The following ICAM1 variants were observed in gnomAD, a reference collection of about 807,000 sequenced individuals.
The protein encoded by ICAM1 is intercellular adhesion molecule 1.
Under a neutral mutation model 42.3 loss-of-function variants are expected in ICAM1, and 28 were observed. The observed-to-expected ratio is 0.66, with a 90% CI of 0.49 to 0.91. The LOEUF (loss-of-function observed/expected upper bound fraction) is 0.91. Ranked by LOEUF, ICAM1 falls within the 40% of genes least tolerant of loss-of-function variation. ICAM1 has a pLI of 0.00. For missense variants in ICAM1, 637 were observed against 688.6 expected (o/e 0.93, Z 0.84); for synonymous variants, 304 against 305.9 (o/e 0.99, Z 0.07).
intron 2 of ICAM1, chr19:10,283,021 A>C (rs747736531): frequency 6.6e-6 from 1 of 151,570 alleles, no homozygotes; most frequent in African/African-American, 2.4e-5. Context: ...TAAAAACTTA[A>C]TTAATTAATT....
intron 2 of ICAM1, among the ~76,000 whole-genome samples, chr19:10,277,756 G>T (rs1231994163): frequency 6.6e-6 from 1 of 152,218 alleles, no homozygotes; most frequent in Non-Finnish European, 1.5e-5. Context: ...AAAGTGCTGG[G>T]ATTACAGGCG....
At chr19:10,282,558 A>G (rs5030377) in intron 2 of ICAM1, among the ~76,000 whole-genome samples, 52,647 of 151,318 alleles carry the variant, frequency 0.35, 9,826 homozygotes, top group Admixed American at 0.47. Context: ...ACCTTTTTTT[A>G]ATTTTTCTTA....
intron 1 of ICAM1, among the ~76,000 whole-genome samples, chr19:10,271,705 T>C (rs1192263555): frequency 3.9e-5 from 6 of 152,174 alleles, no homozygotes; most frequent in Non-Finnish European, 8.8e-5. Flanking sequence ...GGAACTTGGC[T>C]CTGTGCCAAC....
intron 1 of ICAM1, among the ~76,000 whole-genome samples, chr19:10,273,740 G>A (rs369643721): frequency 1.4e-4 from 21 of 152,074 alleles, no homozygotes; most frequent in Non-Finnish European, 2.2e-4. Flanking sequence ...GTGGCTGGGC[G>A]TGGTGGTTCA....
intron 2 of ICAM1, among the ~76,000 whole-genome samples, chr19:10,279,104 G>A (rs1287637162): frequency 1.3e-5 from 2 of 152,190 alleles, no homozygotes; most frequent in African/African-American, 4.8e-5. Context: ...AAGGTTAGAG[G>A]TGTAATTCCT....
chr19:10,283,754 A>T lies in ICAM1; in HGVS notation c.605A>T (p.Asn202Ile). Residue 202 changes from asparagine to isoleucine, a missense_variant, in exon 3 of 7, where the codon AAC becomes ATC. Asn to Ile is a moderately radical substitution (Grantham distance 149). Transcript: ENST00000264832. The stretch of plus-strand genomic sequence containing the variant: ...CCCCAAGGGCTGGAGCTGTTTGAGA[A>T]CACCTCGGCCCCCTACCAGCTCCAG... ...LRPQGLELFE[N>I]TSAPYQLQTF... 2 of 1,610,492 alleles carry T rather than the reference A, an allele frequency of 1.2e-6. No homozygotes were observed. Among genetic ancestry groups the T allele is most frequent in the East Asian group, 4.5e-5 (2 of 44,814 alleles).
intron 2 of ICAM1, 69 bp downstream of exon 2, chr19:10,275,097 G>A: frequency 6.8e-7 from 1 of 1,477,282 alleles, no homozygotes; most frequent in Non-Finnish European, 9.2e-7. Context: ...GGCACCTGCA[G>A]AGGCCTGGGG....
At chr19:10,281,689 G>T (rs2040060045) in intron 2 of ICAM1, among the ~76,000 whole-genome samples, 2 of 149,048 alleles carry the variant, frequency 1.3e-5, no homozygotes, top group South Asian at 4.3e-4. Context: ...GCAAGGCTGG[G>T]TATCAAATGC....
chr19:10,281,051 T>C (rs1391181405), intron 2 of ICAM1, among the ~76,000 whole-genome samples: 1 of 151,648 alleles, frequency 6.6e-6, no homozygotes, highest in South Asian at 2.1e-4. Flanking sequence ...TTTTTTGTAT[T>C]TTTAGTAGAG....
At chr19:10,281,113 T>C (rs918287476) in intron 2 of ICAM1, among the ~76,000 whole-genome samples, 38 of 151,922 alleles carry the variant, frequency 2.5e-4, no homozygotes, top group Middle Eastern at 3.4e-3. Flanking sequence ...GACCTCGTGA[T>C]CCGCCCGCCT....
intron 1 of ICAM1, among the ~76,000 whole-genome samples, chr19:10,271,585 C>T (rs1375672252): frequency 1.3e-5 from 2 of 152,000 alleles, no homozygotes; most frequent in African/African-American, 4.8e-5. Flanking sequence ...GGCTAGATTG[C>T]GTCTCTTACA....
At chr19:10,274,682 C>T in intron 1 of ICAM1, 83 bp from the exon 2 acceptor site, 1 of 1,474,166 alleles carries the variant, frequency 6.8e-7, no homozygotes, top group Non-Finnish European at 9.2e-7. Flanking sequence ...GCTGTGCCTC[C>T]AGCACCCAGC....
Position 10,274,650 on chromosome 19 carries a change from G to A in ICAM1, c.68-115G>A. 4.1e-6 allele frequency: 5 copies of A among 1,220,072 alleles called. No homozygotes were observed. In the South Asian group the frequency reaches 4.4e-5, roughly 11 times the overall value. The allele number at this position is 1,220,072 out of a possible 1,614,324, so 75.6% of individuals were successfully genotyped here. On this transcript the variant is annotated intron_variant, in intron 1 of 6. Coordinates refer to ENST00000264832, the MANE Select transcript of ICAM1 (RefSeq NM_000201.3). Reference sequence around the variant, plus strand: ...TTTTCTCTTTAACTTCCACATCGAAGGCAAAGTATTGTCTTGTTAAGGCTG... The same window carrying A: ...TTTTCTCTTTAACTTCCACATCGAAAGCAAAGTATTGTCTTGTTAAGGCTG...
chr19:10,279,540 G>A (rs1322710942), intron 2 of ICAM1, among the ~76,000 whole-genome samples: 2 of 151,934 alleles, frequency 1.3e-5, no homozygotes, highest in Non-Finnish European at 2.9e-5. Flanking sequence ...GAGTGCAGTG[G>A]TGCCATCTTG....
chr19:10,275,730 CG>C (rs2040011557), intron 2 of ICAM1, among the ~76,000 whole-genome samples: 1 of 122,080 alleles, frequency 8.2e-6, no homozygotes, highest in African/African-American at 3.4e-5. Context: ...TTTTTTGAGA[CG>C]GAGTCTCACT....
Position 10,284,662 on chromosome 19 carries a change from G to A in ICAM1, c.1180+5G>A, listed in dbSNP as rs1894694537. ...CCCGGGAGCTTCGTGTCCTGTGTGA[G>A]TGGGGCTGCTGGTCAATGGCCCCTA... On this transcript the variant is annotated splice_donor_5th_base_variant and intron_variant, in intron 5 of 6. Transcript: ENST00000264832. The surrounding 1 kb of genome is among the most constrained non-coding windows in gnomAD (Gnocchi z 5.4). 1 of 1,613,674 alleles carries A rather than the reference G, an allele frequency of 6.2e-7. No homozygotes were observed. The highest frequency in any genetic ancestry group is 1.1e-5 in the South Asian group (1 of 91,084).
Position 10,284,840 on chromosome 19 carries a change from C to A in ICAM1, c.1238C>A (p.Ser413Tyr). 3.1e-6 allele frequency: 5 copies of A among 1,594,978 alleles called. No homozygotes were observed. The South Asian group carries it at 4.5e-5, about 14-fold the overall frequency. Residue 413 changes from serine to tyrosine, a missense_variant, in exon 6 of 7, where the codon TCC (serine) becomes TAC (tyrosine). Coordinates refer to ENST00000264832, the MANE Select transcript of ICAM1 (RefSeq NM_000201.3). This position sits in a 1 kb window ranked among gnomAD's most constrained non-coding sequence, Gnocchi z 5.4. ...GGAAACTGGACGTGGCCAGAAAATT[C>A]CCAGCAGACTCCAATGTGCCAGGCT... ...CPGNWTWPEN[S>Y]QQTPMCQAWG...
chr19:10,272,178 G>T (rs533223798), intron 1 of ICAM1, among the ~76,000 whole-genome samples: 2 of 152,142 alleles, frequency 1.3e-5, no homozygotes, highest in African/African-American at 4.8e-5. Flanking sequence ...CCAGCTGCTC[G>T]GGAGGCTGAG....
At chr19:10,280,301 AG>A (rs1304849041) in intron 2 of ICAM1, among the ~76,000 whole-genome samples, 1 of 152,156 alleles carries the variant, frequency 6.6e-6, no homozygotes, top group Non-Finnish European at 1.5e-5. Context: ...GAAGAGCTGG[AG>A]GTCAGAGTTT....
Sources: allele counts gnomAD v4.1 joint callset (sites outside exome capture counted in the v4.1 genomes callset), GRCh38; gene constraint gnomAD v4.1.1; non-coding constraint Gnocchi (gnomAD v3.1); transcripts MANE v1.5; gene names NCBI Gene and HGNC (gene_info 2026-07-23, HGNC 2026-07-21).